The following NCKAP5 variants were observed in gnomAD, a reference collection of about 807,000 sequenced individuals.
The protein encoded by NCKAP5 is nck-associated protein 5.
In NCKAP5, 92 loss-of-function variants were observed where a neutral mutation model predicts 167.0. The observed-to-expected ratio is 0.55, with a 90% CI of 0.47 to 0.66. The LOEUF is 0.66. NCKAP5 is among the 30% of genes least tolerant of loss of function. The probability of loss-of-function intolerance (pLI) is 0.00; values close to 1 mark genes in which losing one functional copy is unlikely to be tolerated. For missense variants in NCKAP5, 2,378 were observed against 2,315.0 expected, an observed-to-expected ratio of 1.03 and a Z score of -0.56; for synonymous variants, 891 against 877.4, an observed-to-expected ratio of 1.02 and a Z score of -0.27.
At chr2:133,179,034 G>T (rs746416037) in intron 5 of NCKAP5, among the ~76,000 whole-genome samples, 1 of 151,996 alleles carries the variant, frequency 6.6e-6, no homozygotes, top group African/African-American at 2.4e-5. Context: ...TGAGCTTGGT[G>T]GTGTCAGCAT....
rs113900861 is a variant in NCKAP5 at position 132,850,160 on chromosome 2, A to T, written c.807+10332T>A. On this transcript the variant is annotated intron_variant, in intron 11 of 19. Transcript: ENST00000409261. ...TTTGATCATGTTACTAGGTTATTAG[A>T]TCCATGTCCTTATTCAGGGAAATAT... Among the ~76,000 whole-genome samples the T allele has an allele frequency of 2.2e-3, 338 of 152,270 alleles. 2 individuals carry two copies. The highest frequency in any genetic ancestry group is 7.6e-3 in the African/African-American group (317 of 41,544).
intron 11 of NCKAP5, among the ~76,000 whole-genome samples, chr2:132,835,561 T>A (rs1199802985): frequency 6.6e-6 from 1 of 152,150 alleles, no homozygotes; most frequent in East Asian, 1.9e-4. Flanking sequence ...TTTACTTTTT[T>A]TTTTTCCTTT....
At chr2:132,735,104 T>A (rs1183573442) in intron 16 of NCKAP5, among the ~76,000 whole-genome samples, 1 of 152,246 alleles carries the variant, frequency 6.6e-6, no homozygotes, top group Non-Finnish European at 1.5e-5. Context: ...ATCTATATAG[T>A]TCTGAGAATC....
rs202152501 is a variant in NCKAP5 at position 133,017,611 on chromosome 2, GA to G, written c.342-23373del. 2.5e-3 allele frequency among the ~76,000 whole-genome samples: 374 copies of G among 147,584 alleles called. 10 individuals carry two copies. In the East Asian group the frequency reaches 0.057, roughly 22 times the overall value. ...TATAGCATTCTTGCCTGTAGATTCT[GA>G]AAAAAAAAAATTGAACACTTTAAAT... On this transcript the variant is annotated intron_variant, in intron 6 of 19. Transcript: ENST00000409261.
intron 19 of NCKAP5, among the ~76,000 whole-genome samples, chr2:132,677,382 A>G (rs1684627103): frequency 6.6e-6 from 1 of 152,194 alleles, no homozygotes; most frequent in African/African-American, 2.4e-5. Flanking sequence ...ATAGTGGCAT[A>G]TTCTCCAGAA....
intron 19 of NCKAP5, among the ~76,000 whole-genome samples, chr2:132,691,385 G>A (rs550269176): frequency 1.3e-5 from 2 of 152,128 alleles, no homozygotes; most frequent in African/African-American, 2.4e-5. Context: ...TATAAGGTCC[G>A]ATATAAGTGG....
the NCKAP5 span, among the ~76,000 whole-genome samples, chr2:133,627,981 G>C: frequency 6.6e-6 from 1 of 152,034 alleles, no homozygotes; most frequent in Non-Finnish European, 1.5e-5. Flanking sequence ...GACTTAAAAA[G>C]TACTTGTGCA....
rs1003972708 is a variant in NCKAP5 at position 133,225,779 on chromosome 2, C to CTTTTTTTT, written c.144-12008_144-12001dup. 5.5e-4 allele frequency among the ~76,000 whole-genome samples: 22 copies of CTTTTTTTT among 39,724 alleles called. 6 individuals carry two copies. The highest frequency in any genetic ancestry group is 8.6e-4 in the Non-Finnish European group (17 of 19,680). The allele number at this position is 39,724 out of a possible 152,430, so 26.1% of individuals were successfully genotyped here. A position where few individuals can be genotyped will look rare whatever the true frequency, so the allele number is the denominator to read the frequency against. On this transcript the variant is annotated intron_variant, in intron 4 of 19. Transcript: ENST00000409261. ...CAGGTGTGGGTCATCATGCCCTGTTCTTTTTTTTTTTTTTTTTTTTTTTTT... is the reference window on the plus strand; with the variant it reads ...CAGGTGTGGGTCATCATGCCCTGTTCTTTTTTTTTTTTTTTTTTTTTTTTTTTTTTTTT...
At chr2:133,171,608 T>C (rs888766395) in intron 5 of NCKAP5, among the ~76,000 whole-genome samples, 1 of 152,198 alleles carries the variant, frequency 6.6e-6, no homozygotes, top group African/African-American at 2.4e-5. Context: ...CCTCTTCTGG[T>C]GGAAAGCCTG....
intron 3 of NCKAP5, among the ~76,000 whole-genome samples, chr2:133,385,822 A>T: frequency 6.6e-6 from 1 of 152,120 alleles, no homozygotes; most frequent in Non-Finnish European, 1.5e-5. Flanking sequence ...TAGATTTTCT[A>T]GTTTATTTGC....
chr2:133,389,083 G>A (rs1226954308), intron 3 of NCKAP5, among the ~76,000 whole-genome samples: 1 of 152,152 alleles, frequency 6.6e-6, no homozygotes, highest in East Asian at 1.9e-4. Context: ...GATGAACCCG[G>A]TACCTCAGTT....
chr2:133,550,104 A>G (rs200691484), intron 2 of NCKAP5, among the ~76,000 whole-genome samples: 1 of 146,576 alleles, frequency 6.8e-6, no homozygotes, highest in Admixed American at 6.8e-5. Flanking sequence ...GGCAATAATC[A>G]ATAGTTTACC....
chr2:132,702,704 T>A (rs1447769298), intron 19 of NCKAP5, among the ~76,000 whole-genome samples: 1 of 152,166 alleles, frequency 6.6e-6, no homozygotes, highest in African/African-American at 2.4e-5. Context: ...TCTACCACCA[T>A]CATCACTCCC....
intron 3 of NCKAP5, among the ~76,000 whole-genome samples, chr2:133,357,841 A>G (rs1363669805): frequency 6.6e-6 from 1 of 152,226 alleles, no homozygotes; most frequent in Non-Finnish European, 1.5e-5. Flanking sequence ...TCACTGGCAT[A>G]AAAGGCCTGA....
At chr2:132,920,771 G>GTATGTATGTCTGTGTATATATATATATA (rs1553479343) in intron 8 of NCKAP5, among the ~76,000 whole-genome samples, 1 of 31,570 alleles carries the variant, frequency 3.2e-5, no homozygotes, top group African/African-American at 1.1e-4. Flanking sequence ...ATATATGTAT[G>GTATGTATGTCTGTGTATATATATATATA]TATATATATA....
chr2:132,791,533 C>T (rs1199664594), intron 12 of NCKAP5, among the ~76,000 whole-genome samples: 3 of 152,222 alleles, frequency 2.0e-5, no homozygotes, highest in Admixed American at 2.0e-4. Context: ...ACATCCCAAC[C>T]ACTGAGAACA....
chr2:133,580,674 C>T, the NCKAP5 span, among the ~76,000 whole-genome samples: 1 of 152,168 alleles, frequency 6.6e-6, no homozygotes, highest in African/African-American at 2.4e-5. Context: ...GCATTTTCCC[C>T]ACAAGCTTTA....
chr2:133,071,526 TGTCA>T (rs1172684801), intron 6 of NCKAP5, among the ~76,000 whole-genome samples: 2 of 152,214 alleles, frequency 1.3e-5, no homozygotes, highest in Non-Finnish European at 2.9e-5. Context: ...TAGCAGAAAC[TGTCA>T]GTCTTTATAT....
At chr2:133,387,391 C>T (rs796497800) in intron 3 of NCKAP5, among the ~76,000 whole-genome samples, 3 of 152,268 alleles carry the variant, frequency 2.0e-5, no homozygotes, top group South Asian at 2.1e-4. Context: ...TCTTCTGGCT[C>T]ATAGAGTTTC....
Sources: allele counts gnomAD v4.1 joint callset (sites outside exome capture counted in the v4.1 genomes callset), GRCh38; gene constraint gnomAD v4.1.1; transcripts MANE v1.5; gene names NCBI Gene and HGNC (gene_info 2026-07-23, HGNC 2026-07-21).